Variants in SRSF11 observed in about 807,000 individuals in gnomAD.
SRSF11 encodes serine and arginine rich splicing factor 11, also known as serine/arginine-rich splicing factor 11.
In SRSF11, 9 loss-of-function variants were observed where a neutral mutation model predicts 56.0. The ratio of observed to expected loss-of-function variants is 0.16; its 90% CI spans 0.10 to 0.28. The LOEUF is 0.28. Ranked by LOEUF, SRSF11 falls within the 10% of genes least tolerant of loss-of-function variation. The pLI, the probability that SRSF11 is intolerant of heterozygous loss-of-function variation, is 1.00. For missense variants in SRSF11, 421 were observed against 600.7 expected (o/e 0.70, Z 3.13); for synonymous variants, 222 against 215.3 (o/e 1.03, Z -0.27).
At chr1:70,224,934 A>C (rs1671444488) in intron 1 of SRSF11, among the ~76,000 whole-genome samples, 3 of 152,190 alleles carry the variant, frequency 2.0e-5, no homozygotes, top group Admixed American at 2.0e-4. Flanking sequence ...ACAAACCTGG[A>C]GGAAAAAAAT....
At chr1:70,218,434 C>G (rs1670218237), upstream of SRSF11, among the ~76,000 whole-genome samples, 1 of 152,140 alleles carries the variant, frequency 6.6e-6, no homozygotes, top group Non-Finnish European at 1.5e-5. Context: ...TCTATTTGTT[C>G]AGTAAGTTAT....
At chr1:70,244,877 T>TC in intron 8 of SRSF11, 62 bp downstream of exon 8, 1 of 1,527,616 alleles carries the variant, frequency 6.5e-7, no homozygotes, top group Non-Finnish European at 8.9e-7. Flanking sequence ...CTGTGCTACT[T>TC]AGTAACAAAA....
upstream of SRSF11, chr1:70,220,771 A>G (rs1420108761): frequency 6.6e-6 from 1 of 152,174 alleles, no homozygotes; most frequent in Non-Finnish European, 1.5e-5. Flanking sequence ...AATGGCTTGA[A>G]CAGGGGAAGT....
chr1:70,241,646 C>A (rs1675429014), intron 7 of SRSF11, among the ~76,000 whole-genome samples: 1 of 152,206 alleles, frequency 6.6e-6, no homozygotes, highest in African/African-American at 2.4e-5. Flanking sequence ...CCTCAACATA[C>A]CATTTTCTTT....
chr1:70,230,350 A>G (rs936275597), intron 2 of SRSF11: 8 of 1,067,130 alleles, frequency 7.5e-6, no homozygotes, highest in Non-Finnish European at 9.1e-6. Context: ...AGATTTAGCT[A>G]TTACACTTCG....
At chr1:70,208,468 G>A (rs992700177) in intron 1 of SRSF11, among the ~76,000 whole-genome samples, 12 of 152,068 alleles carry the variant, frequency 7.9e-5, no homozygotes, top group African/African-American at 2.7e-4. Flanking sequence ...CAAGAAGCTG[G>A]CATTACAGGT....
intron 1 of SRSF11, among the ~76,000 whole-genome samples, chr1:70,207,320 C>T (rs1669137329): frequency 6.6e-6 from 1 of 152,084 alleles, no homozygotes; most frequent in African/African-American, 2.4e-5. Flanking sequence ...GCTAATAATA[C>T]CTCTGTTTGC....
intron 1 of SRSF11, among the ~76,000 whole-genome samples, chr1:70,223,380 T>G (rs2100618276): frequency 6.6e-6 from 1 of 152,312 alleles, no homozygotes; most frequent in East Asian, 1.9e-4. Flanking sequence ...ATTATACTGG[T>G]TCATCTTTTA....
In SRSF11 at chr1:70,221,742, C is replaced by G. The variant is rs1310676353; in HGVS notation, c.106C>G (p.Gln36Glu). 1 of 1,614,126 alleles carries G rather than the reference C, an allele frequency of 6.2e-7. No homozygotes were observed. Among genetic ancestry groups the G allele is most frequent in the Non-Finnish European group, 8.5e-7 (1 of 1,180,008 alleles). The stretch of plus-strand genomic sequence containing the variant: ...CGGAGGCGGCGGCACCGAGGTAATC[C>G]AGGTGACTAATGTCTCCCCGAGCGC... ...GGGGGGTEVI[Q>E]VTNVSPSASS... is the part of the protein sequence containing the mutation. Residue 36 changes from glutamine to glutamate, a missense_variant, in exon 1 of 12, where the codon CAG becomes GAG. Physicochemically the swap from Gln to Glu is conservative, Grantham distance 29. Coordinates refer to ENST00000370949, the MANE Select transcript of SRSF11 (RefSeq NM_001350605.2).
At chr1:70,209,446 G>A (rs1015378245) in intron 1 of SRSF11, among the ~76,000 whole-genome samples, 1 of 152,078 alleles carries the variant, frequency 6.6e-6, no homozygotes, top group Non-Finnish European at 1.5e-5. Context: ...TCAGAATATT[G>A]CCTTATGTAT....
upstream of SRSF11, chr1:70,218,453 A>T (rs995714143): frequency 6.6e-6 from 1 of 152,220 alleles, no homozygotes; most frequent in African/African-American, 2.4e-5. Context: ...ATTGTACATA[A>T]ATTGGCTTCT....
rs1483618874 is a variant in SRSF11 at position 70,221,798 on chromosome 1, T to C, written c.162T>C (p.Gly54=). 1.2e-6 allele frequency: 2 copies of C among 1,614,012 alleles called. No individual in the cohort carries two copies. Among genetic ancestry groups the C allele is most frequent in the East Asian group, 4.5e-5 (2 of 44,862 alleles). The change falls in exon 1 of 12, where the codon GGT becomes GGC. Residue 54 remains glycine (G), a synonymous_variant. Transcript: ENST00000370949. ...ASSEQMRTLF[G]FLGKIDELRL... ...CTGAGCAGATGCGGACTCTCTTCGG[T>C]TTCCTAGGCAAGATCGACGAACTGC... is the stretch of plus-strand genomic sequence containing the variant.
Position 70,240,168 on chromosome 1 carries a change from T to C in SRSF11, c.800+648T>C, listed in dbSNP as rs373968160. ...ATAAGCATCAGAAGTGATTTATGCA[T>C]ACTTTCCATTTCATCACACAGAATA... On this transcript the variant is annotated intron_variant, in intron 7 of 11. Coordinates refer to ENST00000370949, the MANE Select transcript of SRSF11 (RefSeq NM_001350605.2). 6.6e-5 allele frequency among the ~76,000 whole-genome samples: 10 copies of C among 152,378 alleles called. No homozygotes were observed. In the East Asian group the frequency reaches 1.9e-3, roughly 29 times the overall value.
intron 5 of SRSF11, among the ~76,000 whole-genome samples, chr1:70,235,890 G>A (rs368004810): frequency 3.3e-5 from 5 of 152,334 alleles, no homozygotes; most frequent in African/African-American, 9.6e-5. Flanking sequence ...CTATCCCAGA[G>A]CAAAGTAGTA....
At chr1:70,225,914 T>C (rs989535314) in intron 1 of SRSF11, among the ~76,000 whole-genome samples, 2 of 152,208 alleles carry the variant, frequency 1.3e-5, no homozygotes, top group African/African-American at 4.8e-5. Context: ...CTCTATCTTA[T>C]ATTAACATAT....
chr1:70,245,402 A>T (rs566900178), intron 8 of SRSF11, among the ~76,000 whole-genome samples: 2 of 152,350 alleles, frequency 1.3e-5, no homozygotes, highest in African/African-American at 4.8e-5. Flanking sequence ...AGAACAGAAG[A>T]GTGGGGGTAG....
At chr1:70,229,200 A>G (rs1672424709) in intron 2 of SRSF11, 2 of 1,288,496 alleles carry the variant, frequency 1.6e-6, no homozygotes, top group Non-Finnish European at 2.0e-6. Context: ...TGTGTGTGTG[A>G]TTTTTATAGT....
At chr1:70,207,150 C>G (rs573875029) in intron 1 of SRSF11, among the ~76,000 whole-genome samples, 62 of 152,144 alleles carry the variant, frequency 4.1e-4, no homozygotes, top group African/African-American at 1.5e-3. Context: ...GTTCGGCCTC[C>G]CAAAGTGCTG....
chr1:70,236,067 C>T (rs1047228882), intron 5 of SRSF11, among the ~76,000 whole-genome samples: 2 of 152,042 alleles, frequency 1.3e-5, no homozygotes, highest in Admixed American at 6.6e-5. Flanking sequence ...ACCTTTTCCC[C>T]TTAACTTGGT....
Sources: allele counts gnomAD v4.1 joint callset (sites outside exome capture counted in the v4.1 genomes callset), GRCh38; gene constraint gnomAD v4.1.1; transcripts MANE v1.5; gene names NCBI Gene and HGNC (gene_info 2026-07-23, HGNC 2026-07-21).